Variants in RAB11FIP3 observed in about 807,000 individuals in gnomAD.
RAB11FIP3 encodes rab11 family-interacting protein 3.
A neutral mutation model predicts 77.8 loss-of-function variants in RAB11FIP3; 17 were observed. The ratio of observed to expected loss-of-function variants is 0.22; its 90% CI spans 0.15 to 0.33. The LOEUF (loss-of-function observed/expected upper bound fraction) is 0.33. RAB11FIP3 is among the 10% of genes least tolerant of loss of function. RAB11FIP3 has a pLI of 1.00. For synonymous variants in RAB11FIP3, 437 were observed against 448.2 expected, an observed-to-expected ratio of 0.98 and a Z score of 0.31; for missense variants, 1,005 against 1,011.2, an observed-to-expected ratio of 0.99 and a Z score of 0.08.
intron 2 of RAB11FIP3, among the ~76,000 whole-genome samples, chr16:465,783 G>A (rs2055692276): frequency 1.3e-5 from 2 of 152,112 alleles, no homozygotes; most frequent in African/African-American, 2.4e-5. Flanking sequence ...CCAATTTTTT[G>A]TGTTAGAGAT....
chr16:477,457 C>G (rs1883891), intron 3 of RAB11FIP3, among the ~76,000 whole-genome samples: 61,289 of 152,018 alleles, frequency 0.4, 13,886 homozygotes, highest in Middle Eastern at 0.53. Context: ...CGTCTCGGAC[C>G]TGTGCGCTGG....
intron 2 of RAB11FIP3, among the ~76,000 whole-genome samples, chr16:462,847 CT>C (rs2055638076): frequency 6.6e-6 from 1 of 151,572 alleles, no homozygotes; most frequent in South Asian, 2.1e-4. Flanking sequence ...AGCACCATCC[CT>C]TCCCCAGCAC....
At chr16:465,609 A>G (rs748379573) in intron 2 of RAB11FIP3, among the ~76,000 whole-genome samples, 1 of 152,122 alleles carries the variant, frequency 6.6e-6, no homozygotes, top group Non-Finnish European at 1.5e-5. Context: ...GCCTCTCAGC[A>G]CTGGCTCCTT....
chr16:446,346 G>A (rs1269029748), intron 1 of RAB11FIP3, among the ~76,000 whole-genome samples: 2 of 152,240 alleles, frequency 1.3e-5, no homozygotes, highest in Non-Finnish European at 1.5e-5. Context: ...GGTACCCAGA[G>A]AGGCAGGGCA....
intron 1 of RAB11FIP3, among the ~76,000 whole-genome samples, chr16:432,391 A>G (rs2055051567): frequency 6.6e-6 from 1 of 152,110 alleles, no homozygotes; most frequent in African/African-American, 2.4e-5. Flanking sequence ...ACTAAAAAGA[A>G]ACTAAAACTA....
intron 1 of RAB11FIP3, among the ~76,000 whole-genome samples, chr16:448,346 G>A (rs1360417195): frequency 6.6e-6 from 1 of 151,706 alleles, no homozygotes; most frequent in Non-Finnish European, 1.5e-5. Flanking sequence ...GCTCATGCCT[G>A]TAATCCTAGC....
At chr16:491,824 C>T (rs566163724) in intron 5 of RAB11FIP3, among the ~76,000 whole-genome samples, 235 of 151,544 alleles carry the variant, frequency 1.6e-3, no homozygotes, top group Admixed American at 2.2e-3. Context: ...ATTTCGCTTG[C>T]GGTGAAGCCC....
At chr16:503,326 C>G (rs1445918429) in intron 7 of RAB11FIP3, among the ~76,000 whole-genome samples, 1 of 152,174 alleles carries the variant, frequency 6.6e-6, no homozygotes, top group Non-Finnish European at 1.5e-5. Flanking sequence ...GCACGAAGGG[C>G]CAGCTGGGAG....
rs117033703 is a variant in RAB11FIP3 at position 455,998 on chromosome 16, A to G, written c.715-5406A>G. On this transcript the variant is annotated intron_variant, in intron 1 of 13. Transcript: ENST00000262305. Reference sequence around the variant, plus strand: ...CTCTGTTAAAATGAACCAACCAGAAAGATTCCCACTCAAGTGCAGGACAAC... The same window carrying G: ...CTCTGTTAAAATGAACCAACCAGAAGGATTCCCACTCAAGTGCAGGACAAC... Among the ~76,000 whole-genome samples, 1,435 of 152,316 alleles carry G rather than the reference A, an allele frequency of 9.4e-3. 10 individuals carry two copies. Among genetic ancestry groups the G allele is most frequent in the Middle Eastern group, 0.031 (9 of 294 alleles).
In RAB11FIP3 at chr16:507,857, C is replaced by T. The variant is rs2031951399; in HGVS notation, c.1499+2230C>T. 6.6e-6 allele frequency among the ~76,000 whole-genome samples: 1 copy of T among 152,054 alleles called. No homozygotes were observed. The highest frequency in any genetic ancestry group is 1.5e-5 in the Non-Finnish European group (1 of 68,012). The stretch of plus-strand genomic sequence containing the variant: ...TTCAGTATCATCTGCCCGTTCTGAG[C>T]CATTTGCTCTCTAGCCCTACCATAC... On this transcript the variant is annotated intron_variant, in intron 8 of 13. Coordinates refer to ENST00000262305, the MANE Select transcript of RAB11FIP3 (RefSeq NM_014700.4). The surrounding 1 kb of genome is among the most constrained non-coding windows in gnomAD (Gnocchi z 4.6).
Position 505,498 on chromosome 16 carries a change from C to T in RAB11FIP3, c.1396-26C>T, listed in dbSNP as rs759876349. The T allele has an allele frequency of 6.3e-7, 1 of 1,585,996 alleles. No homozygotes were observed. Among genetic ancestry groups the T allele is most frequent in the Non-Finnish European group, 8.6e-7 (1 of 1,165,818 alleles). On this transcript the variant is annotated intron_variant, in intron 7 of 13. Transcript: ENST00000262305. The surrounding 1 kb of genome is among the most constrained non-coding windows in gnomAD (Gnocchi z 4.0). ...GGCCCTTCTGCTTCTGGCTGCCTGA[C>T]CCTGAAGCCTGGTCTCATTGCCAAG...
chr16:432,455 C>T lies in RAB11FIP3; in HGVS notation c.714+5735C>T, dbSNP rs140540359. Among the ~76,000 whole-genome samples, 1,242 of 151,966 alleles carry T rather than the reference C, an allele frequency of 8.2e-3. 17 individuals are homozygous for T. The highest frequency in any genetic ancestry group is 0.028 in the African/African-American group (1,180 of 41,420). Reference sequence around the variant, plus strand: ...GAAAAATAAGGAGCCCTTGTAATCCCCCCATCCATTAATATCATTAAGAGA... The same window carrying T: ...GAAAAATAAGGAGCCCTTGTAATCCTCCCATCCATTAATATCATTAAGAGA... On this transcript the variant is annotated intron_variant, in intron 1 of 13. Transcript: ENST00000262305.
chr16:499,299 C>T (rs1021955316), intron 6 of RAB11FIP3, among the ~76,000 whole-genome samples: 1 of 152,178 alleles, frequency 6.6e-6, no homozygotes, highest in Non-Finnish European at 1.5e-5. Context: ...TTCAGCATCA[C>T]CTTCCTCCCC....
intron 9 of RAB11FIP3, among the ~76,000 whole-genome samples, chr16:511,441 C>T (rs2032158311): frequency 8.2e-6 from 1 of 121,620 alleles, no homozygotes; most frequent in African/African-American, 3.4e-5. Context: ...AGGAGAAGTT[C>T]CCCGACAGTC....
chr16:497,608 G>A (rs1024427072), intron 6 of RAB11FIP3, among the ~76,000 whole-genome samples: 30 of 152,274 alleles, frequency 2.0e-4, no homozygotes, highest in African/African-American at 6.7e-4. Context: ...TCCAGGCCTC[G>A]TGGCTGTGGT....
intron 1 of RAB11FIP3, among the ~76,000 whole-genome samples, chr16:440,869 C>G (rs954932372): frequency 7.9e-5 from 12 of 151,994 alleles, no homozygotes; most frequent in Non-Finnish European, 1.5e-4. Context: ...GCCCGCCTGG[C>G]TGCCCTCTTC....
chr16:517,615 G>C (rs1456949429), intron 9 of RAB11FIP3, among the ~76,000 whole-genome samples: 1 of 152,138 alleles, frequency 6.6e-6, no homozygotes, highest in Non-Finnish European at 1.5e-5. Flanking sequence ...AGAACAGAAA[G>C]GGCACGCATG....
rs1242260991 is a variant in RAB11FIP3, at chr16:521,547, C to G, written c.*708C>G. ...CATGTGGCTGTTCCCACGGCCCAGT[C>G]CTCGCTGCAGTAACCCCTGGGGGCT... On this transcript the variant is annotated 3_prime_UTR_variant, in exon 14 of 14. Transcript: ENST00000262305. 1 of 152,702 alleles carries G rather than the reference C, an allele frequency of 6.5e-6. No individual in the cohort carries two copies. The highest frequency in any genetic ancestry group is 2.4e-5 in the African/African-American group (1 of 41,460). The allele number at this position is 152,702 out of a possible 1,614,324, so 9.5% of individuals were successfully genotyped here.
intron 7 of RAB11FIP3, among the ~76,000 whole-genome samples, chr16:504,893 C>CG (rs1269693665): frequency 3.2e-5 from 1 of 31,004 alleles, no homozygotes; most frequent in Non-Finnish European, 6.6e-5. Flanking sequence ...CCTCCTGCTC[C>CG]CCCACCTCCT....
Sources: gnomAD v4.1 joint callset for allele counts (sites outside exome capture counted in the v4.1 genomes callset) on GRCh38, gnomAD v4.1.1 for gene constraint, Gnocchi (gnomAD v3.1) non-coding constraint, MANE v1.5 for transcripts, NCBI Gene and HGNC (gene_info 2026-07-23, HGNC 2026-07-21) for gene names.